Variants in SFI1 observed in about 807,000 individuals in gnomAD.
SFI1 encodes protein SFI1 homolog.
A neutral mutation model predicts 207.5 loss-of-function variants in SFI1; 195 were observed. The observed-to-expected ratio is 0.94, with a 90% CI of 0.84 to 1.06. The LOEUF is 1.06. SFI1 is among the 50% of genes least tolerant of loss of function. The pLI, the probability that SFI1 is intolerant of heterozygous loss-of-function variation, is 0.00. For missense variants in SFI1, 1,634 were observed against 1,588.0 expected, an observed-to-expected ratio of 1.03 and a Z score of -0.49; for synonymous variants, 630 against 598.9, an observed-to-expected ratio of 1.05 and a Z score of -0.76.
At chr22:31,511,448 C>T (rs1287894015) in intron 2 of SFI1, among the ~76,000 whole-genome samples, 2 of 147,656 alleles carry the variant, frequency 1.4e-5, no homozygotes, top group African/African-American at 4.9e-5. Flanking sequence ...TGGCCTCTAA[C>T]TCTGGCATAG....
At chr22:31,595,221 C>T (rs1210386489) in intron 15 of SFI1, among the ~76,000 whole-genome samples, 1 of 152,124 alleles carries the variant, frequency 6.6e-6, no homozygotes, top group Non-Finnish European at 1.5e-5. Context: ...TGGTCTCGAA[C>T]TCCTGACCTC....
chr22:31,545,336 A>G (rs1395147770), intron 4 of SFI1, among the ~76,000 whole-genome samples: 1 of 151,860 alleles, frequency 6.6e-6, no homozygotes, highest in African/African-American at 2.4e-5. Context: ...TTGCTCTCCA[A>G]CCTGGGCAAC....
chr22:31,506,076 G>T (rs1319524452), intron 1 of SFI1, among the ~76,000 whole-genome samples: 1 of 149,140 alleles, frequency 6.7e-6, no homozygotes, highest in Admixed American at 6.7e-5. Context: ...CTGAGACAGA[G>T]TCTTGCTCTG....
rs201148493 is a variant in SFI1, at chr22:31,602,713, CCCA to C, written c.1739_1741del (p.His580del). On this transcript the variant is annotated inframe_deletion, in exon 17 of 33. Coordinates refer to ENST00000400288, the MANE Select transcript of SFI1 (RefSeq NM_001007467.3). ...CAGGAGTGGCAAACAGTGGCCTGTG[CCCA>C]CCACCGCCACGGGCGGCTCAAGAAA... 3,595 of 1,614,144 alleles carry C rather than the reference CCCA, an allele frequency of 2.2e-3. 86 individuals carry two copies. The African/African-American group carries it at 0.043, about 19-fold the overall frequency.
chr22:31,558,274 C>T (rs1023062039), intron 7 of SFI1, among the ~76,000 whole-genome samples: 1 of 152,126 alleles, frequency 6.6e-6, no homozygotes, highest in Non-Finnish European at 1.5e-5. Context: ...AACCTGTAAT[C>T]CCAACACTTT....
chr22:31,593,158 A>C, intron 15 of SFI1, among the ~76,000 whole-genome samples: 1 of 145,548 alleles, frequency 6.9e-6, no homozygotes, highest in Non-Finnish European at 1.5e-5. Context: ...TCCTTCCCGG[A>C]CGGGGTGGCT....
At chr22:31,615,729 A>T (rs1333821536) in intron 29 of SFI1, 1 of 159,544 alleles carries the variant, frequency 6.3e-6, no homozygotes, top group Non-Finnish European at 1.4e-5. Context: ...GTTGCCACAG[A>T]GGGGACAGGT....
rs578153404 is a variant in SFI1 at position 31,549,922 on chromosome 22, G to GT, written c.450-330dup. 2.6e-5 allele frequency among the ~76,000 whole-genome samples: 4 copies of GT among 151,162 alleles called. No individual in the cohort carries two copies. The East Asian group carries it at 7.8e-4, about 30-fold the overall frequency. ...TTGGGTTAGGAGTTGTTTTGTTGTT[G>GT]TTGTTTGTTTGTTTGTTTGTTTCTT... On this transcript the variant is annotated intron_variant, in intron 5 of 32. Transcript: ENST00000400288.
At chr22:31,589,918 A>G (rs368987723) in intron 15 of SFI1, among the ~76,000 whole-genome samples, 1,603 of 151,798 alleles carry the variant, frequency 0.011, 5 homozygotes, top group Middle Eastern at 0.031. Context: ...GACTTACACT[A>G]TTATGGAGGC....
At chr22:31,614,922 C>T (rs539553174) in intron 28 of SFI1, 62 bp downstream of exon 28, 45 of 1,590,484 alleles carry the variant, frequency 2.8e-5, no homozygotes, top group Admixed American at 1.1e-4. Context: ...CCAAAGGCAG[C>T]GGGCACCTCC....
chr22:31,508,594 C>A (rs987263621), intron 2 of SFI1, among the ~76,000 whole-genome samples: 1 of 152,146 alleles, frequency 6.6e-6, no homozygotes, highest in Non-Finnish European at 1.5e-5. Flanking sequence ...ATGGAAATAT[C>A]AATCATTAAA....
chr22:31,602,712 G>A lies in SFI1; in HGVS notation c.1732G>A (p.Ala578Thr). 1 of 1,613,920 alleles carries A rather than the reference G, an allele frequency of 6.2e-7. No individual in the cohort carries two copies. Among genetic ancestry groups the A allele is most frequent in the Admixed American group, 1.7e-5 (1 of 60,024 alleles). Residue 578 changes from alanine to threonine, a missense_variant, in exon 17 of 33, where the codon GCC (alanine) becomes ACC (threonine). By Grantham distance (58) the Ala-to-Thr change is moderately conservative. Transcript: ENST00000400288. ...QEQEWQTVAC[A>T]HHRHGRLKKA... ...GCAGGAGTGGCAAACAGTGGCCTGTGCCCACCACCGCCACGGGCGGCTCAA... is the reference window on the plus strand; with the variant it reads ...GCAGGAGTGGCAAACAGTGGCCTGTACCCACCACCGCCACGGGCGGCTCAA...
intron 27 of SFI1, chr22:31,614,478 A>G (rs1379842169): frequency 1.8e-6 from 1 of 552,876 alleles, no homozygotes; most frequent in South Asian, 1.6e-5. Context: ...ACTGACCTTG[A>G]TGGGATCCTG....
At chr22:31,588,591 G>A (rs1337257570) in intron 14 of SFI1, among the ~76,000 whole-genome samples, 2 of 152,234 alleles carry the variant, frequency 1.3e-5, no homozygotes, top group Non-Finnish European at 2.9e-5. Context: ...AAGGCAGGCA[G>A]ATCGTGAGGT....
At chr22:31,529,722 A>G (rs1203855251) in intron 3 of SFI1, among the ~76,000 whole-genome samples, 3 of 152,212 alleles carry the variant, frequency 2.0e-5, no homozygotes, top group African/African-American at 4.8e-5. Context: ...ACCACAGGCA[A>G]ATACGGCGAG....
At chr22:31,522,625 A>G (rs1051394840) in intron 2 of SFI1, among the ~76,000 whole-genome samples, 1 of 152,090 alleles carries the variant, frequency 6.6e-6, no homozygotes, top group Non-Finnish European at 1.5e-5. Context: ...TTCAGTTAGC[A>G]TAGTGTTTTC....
At chr22:31,573,295 G>C in intron 9 of SFI1, 81 bp downstream of exon 9, 1 of 1,459,310 alleles carries the variant, frequency 6.9e-7, no homozygotes, top group South Asian at 1.3e-5. Context: ...ACTGTACTAA[G>C]AAGTAATATA....
At chr22:31,603,634 G>C in intron 17 of SFI1, 110 bp from the exon 18 acceptor site, 1 of 857,812 alleles carries the variant, frequency 1.2e-6, no homozygotes. Context: ...GAGGGTCTTG[G>C]CTCCCCCAAA....
chr22:31,565,737 G>T (rs1024603656), intron 8 of SFI1, among the ~76,000 whole-genome samples: 2 of 152,104 alleles, frequency 1.3e-5, no homozygotes, highest in African/African-American at 4.8e-5. Flanking sequence ...GTATGGCTTT[G>T]TGTAGTTAGG....
Sources: gnomAD v4.1 joint callset for allele counts (sites outside exome capture counted in the v4.1 genomes callset) on GRCh38, gnomAD v4.1.1 for gene constraint, MANE v1.5 for transcripts, NCBI Gene and HGNC (gene_info 2026-07-23, HGNC 2026-07-21) for gene names.